NBEA: variants seen among roughly 807,000 people sequenced by gnomAD.
NBEA encodes neurobeachin, also known as lysosomal-trafficking regulator 2.
NBEA carries 44 observed loss-of-function variants against 343.4 expected under a neutral mutation model. The ratio of observed to expected loss-of-function variants is 0.13; its 90% CI spans 0.10 to 0.16. NBEA has a LOEUF of 0.16. Ranked by LOEUF, NBEA falls within the 10% of genes least tolerant of loss-of-function variation. NBEA has a pLI of 1.00. For synonymous variants in NBEA, 1,175 were observed against 1,238.7 expected (o/e 0.95, Z 1.08); for missense variants, 2,555 against 3,631.3 (o/e 0.70, Z 7.62).
At chr13:35,512,133 T>C (rs2077300814) in intron 41 of NBEA, among the ~76,000 whole-genome samples, 1 of 152,236 alleles carries the variant, frequency 6.6e-6, no homozygotes, top group Non-Finnish European at 1.5e-5. Flanking sequence ...AAGCACATGC[T>C]TTTAATTTCT....
rs1444448841 is a variant in NBEA at position 35,171,314 on chromosome 13, G to A, written c.4285G>A (p.Glu1429Lys). ...NIEVTQGMSA[E>K]TAVTFLSRLM... ...TGAAGTGACACAAGGCATGTCAGCT[G>A]AGACAGCAGTAACTTTCCTCAGCCG... The change falls in exon 26 of 59, where the codon GAG (glutamate) becomes AAG (lysine). Residue 1429 changes from glutamate (E) to lysine (K), a missense_variant. By Grantham distance (56) the Glu-to-Lys change is moderately conservative. Around this residue, in one of 21 missense-constraint regions of NBEA, gnomAD observed 168 missense variants for 193.0 expected, o/e 0.87. Transcript: ENST00000379939. 1.9e-6 allele frequency: 3 copies of A among 1,612,272 alleles called. No individual in the cohort carries two copies. Among genetic ancestry groups the A allele is most frequent in the Non-Finnish European group, 2.5e-6 (3 of 1,178,844 alleles).
intron 41 of NBEA, among the ~76,000 whole-genome samples, chr13:35,507,496 A>G (rs1329834330): frequency 6.6e-6 from 1 of 152,004 alleles, no homozygotes; most frequent in African/African-American, 2.4e-5. Flanking sequence ...TACTTTGTCT[A>G]GTTTTGAACT....
chr13:35,425,316 G>A (rs1476949242), intron 38 of NBEA, among the ~76,000 whole-genome samples: 2 of 152,044 alleles, frequency 1.3e-5, no homozygotes, highest in African/African-American at 2.4e-5. Flanking sequence ...ACACTGCTTT[G>A]AATGTGTCCC....
rs1195771206 is a variant in NBEA, at chr13:35,217,374, TA to T, written c.5648+6197del. Among the ~76,000 whole-genome samples, 16 of 152,142 alleles carry T rather than the reference TA, an allele frequency of 1.1e-4. No homozygotes were observed. In the East Asian group the frequency reaches 3.1e-3, roughly 29 times the overall value. ...AGCAGAGAAAAATTTAAATTTTTTT[TA>T]ATCTGGCTTGTCAGATTTACCTTTT... On this transcript the variant is annotated intron_variant, in intron 33 of 58. Coordinates refer to ENST00000379939, the MANE Select transcript of NBEA (RefSeq NM_001385012.1).
At chr13:35,595,433 C>T (rs2081745870) in intron 47 of NBEA, among the ~76,000 whole-genome samples, 1 of 152,030 alleles carries the variant, frequency 6.6e-6, no homozygotes, top group Non-Finnish European at 1.5e-5. Flanking sequence ...AGCTCTCTTA[C>T]CACCACTCAT....
chr13:35,223,042 A>G (rs1233953249), intron 33 of NBEA, among the ~76,000 whole-genome samples: 3 of 152,100 alleles, frequency 2.0e-5, no homozygotes, highest in African/African-American at 7.2e-5. Context: ...GAGGCAGGAG[A>G]ATCACTTAGA....
chr13:35,172,591 A>G lies in NBEA; in HGVS notation c.4424-873A>G, dbSNP rs189942251. Among the ~76,000 whole-genome samples, 8 of 152,170 alleles carry G rather than the reference A, an allele frequency of 5.3e-5. No individual in the cohort carries two copies. In the East Asian group the frequency reaches 1.5e-3, roughly 29 times the overall value. ...TTATCCTAATACTACTAGCACATTT[A>G]GTTGTTTAATCAACCACAGGAAACT... On this transcript the variant is annotated intron_variant, in intron 26 of 58. Transcript: ENST00000379939.
At chr13:35,116,873 C>T (rs549544033) in intron 13 of NBEA, among the ~76,000 whole-genome samples, 4 of 152,020 alleles carry the variant, frequency 2.6e-5, no homozygotes, top group Middle Eastern at 3.4e-3. Flanking sequence ...ATTTTATACT[C>T]ATTTTCACTT....
chr13:35,015,379 A>G (rs533440386), intron 1 of NBEA, among the ~76,000 whole-genome samples: 1 of 152,196 alleles, frequency 6.6e-6, no homozygotes, highest in South Asian at 2.1e-4. Flanking sequence ...TGGCAGTGGT[A>G]TTGAGTGGTG....
intron 1 of NBEA, among the ~76,000 whole-genome samples, chr13:35,032,703 T>G (rs990672746): frequency 3.3e-5 from 5 of 151,844 alleles, no homozygotes; most frequent in African/African-American, 1.2e-4. Flanking sequence ...CATTTTTAAC[T>G]GGGGTGAGAT....
At chr13:35,252,544 C>G (rs1190345291) in intron 34 of NBEA, among the ~76,000 whole-genome samples, 1 of 152,144 alleles carries the variant, frequency 6.6e-6, no homozygotes, top group Non-Finnish European at 1.5e-5. Context: ...AGTGTGTGAT[C>G]GACTGGGGAG....
chr13:35,167,603 T>A (rs1255792883), intron 24 of NBEA, among the ~76,000 whole-genome samples: 1 of 151,782 alleles, frequency 6.6e-6, no homozygotes, highest in Non-Finnish European at 1.5e-5. Context: ...GATCTCCGAG[T>A]TAGACCAATA....
intron 44 of NBEA, among the ~76,000 whole-genome samples, chr13:35,562,979 A>G (rs1008015613): frequency 4.6e-5 from 7 of 152,154 alleles, no homozygotes; most frequent in Middle Eastern, 3.4e-3. Context: ...TAATGAAGAA[A>G]CATATCCAGT....
At chr13:35,504,290 C>A (rs7332116) in intron 41 of NBEA, among the ~76,000 whole-genome samples, 25,627 of 152,136 alleles carry the variant, frequency 0.17, 2,427 homozygotes, top group East Asian at 0.43. Flanking sequence ...TGGCCTAAAG[C>A]CTGCCAGTTT....
At chr13:35,303,213 C>T (rs549127189) in intron 35 of NBEA, among the ~76,000 whole-genome samples, 3 of 152,096 alleles carry the variant, frequency 2.0e-5, no homozygotes, top group South Asian at 2.1e-4. Flanking sequence ...CAGTTAGATT[C>T]GTTTTCTATA....
At chr13:34,990,718 T>C (rs2060721592) in intron 1 of NBEA, among the ~76,000 whole-genome samples, 1 of 138,786 alleles carries the variant, frequency 7.2e-6, no homozygotes. Context: ...CTTGAATTCC[T>C]CCCCAGAAAA....
intron 38 of NBEA, among the ~76,000 whole-genome samples, chr13:35,409,392 A>G (rs1030821967): frequency 6.6e-6 from 1 of 152,128 alleles, no homozygotes; most frequent in African/African-American, 2.4e-5. Flanking sequence ...ACTGGTGGGT[A>G]CTAGGCTTAA....
At chr13:35,377,683 A>G (rs1037895026) in intron 38 of NBEA, among the ~76,000 whole-genome samples, 2 of 152,114 alleles carry the variant, frequency 1.3e-5, no homozygotes, top group African/African-American at 2.4e-5. Context: ...CTAATTTTAA[A>G]TTGCTTTCTC....
intron 49 of NBEA, among the ~76,000 whole-genome samples, chr13:35,637,939 G>A (rs2153071217): frequency 6.6e-6 from 1 of 152,216 alleles, no homozygotes; most frequent in Non-Finnish European, 1.5e-5. Context: ...ACCTTAAAAA[G>A]GAAGGAAATT....
Sources: gnomAD v4.1 joint callset for allele counts (sites outside exome capture counted in the v4.1 genomes callset) on GRCh38, gnomAD v4.1.1 for gene constraint, gnomAD v4.1.1 regional missense constraint, MANE v1.5 for transcripts, NCBI Gene and HGNC (gene_info 2026-07-23, HGNC 2026-07-21) for gene names.